The following UFL1 variants were observed in gnomAD, a reference collection of about 807,000 sequenced individuals.
UFL1 encodes UFM1 specific ligase 1, also known as E3 UFM1-protein ligase 1.
UFL1 carries 78 observed loss-of-function variants against 99.3 expected under a neutral mutation model. The observed-to-expected ratio is 0.79, with a 90% CI of 0.65 to 0.95. The LOEUF is 0.95. Among genes scored for constraint, UFL1 ranks in the 40% least tolerant of loss-of-function variants. The pLI, the probability that UFL1 is intolerant of heterozygous loss-of-function variation, is 0.00. For missense variants in UFL1, 936 were observed against 937.0 expected (o/e 1.00, Z 0.01); for synonymous variants, 335 against 322.2 (o/e 1.04, Z -0.42).
chr6:96,548,144 AT>A lies in UFL1; in HGVS notation c.1403-18del, dbSNP rs1357647453. ...TTTTTTATTTATTTATTTATTTGCC[AT>A]TGCTCATGTCCGATATAGGAAAGAA... On this transcript the variant is annotated intron_variant, in intron 12 of 18. Transcript: ENST00000369278. 6.7e-7 allele frequency: 1 copy of A among 1,481,892 alleles called. No individual in the cohort carries two copies. Among genetic ancestry groups the A allele is most frequent in the Admixed American group, 2.0e-5 (1 of 49,020 alleles). 91.8% of individuals were successfully genotyped at this position (1,481,892 alleles called of 1,614,324 possible).
In UFL1 at chr6:96,540,518, A is replaced by AGCAT; in HGVS notation, c.1159-15_1159-12dup. 1 of 1,587,620 alleles carries AGCAT rather than the reference A, an allele frequency of 6.3e-7. No homozygotes were observed. Among genetic ancestry groups the AGCAT allele is most frequent in the Non-Finnish European group, 8.5e-7 (1 of 1,171,096 alleles). On this transcript the variant is annotated splice_polypyrimidine_tract_variant and intron_variant, in intron 10 of 18. Coordinates refer to ENST00000369278, the MANE Select transcript of UFL1 (RefSeq NM_015323.5). Reference sequence around the variant, plus strand: ...GCTATGTGTTTTTCCTACCAAAAAAAGCATGTTTTATTTTAGGAAATGAAA... The same window carrying AGCAT: ...GCTATGTGTTTTTCCTACCAAAAAAAGCATGCATGTTTTATTTTAGGAAATGAAA...
intron 15 of UFL1, among the ~76,000 whole-genome samples, chr6:96,550,741 C>T (rs1353414908): frequency 6.6e-6 from 1 of 151,982 alleles, no homozygotes; most frequent in Non-Finnish European, 1.5e-5. Flanking sequence ...TTATACCAAT[C>T]TCTGCTATGG....
chr6:96,525,575 C>T (rs1582436576), intron 4 of UFL1, among the ~76,000 whole-genome samples, 181 bp downstream of exon 4: 2 of 151,326 alleles, frequency 1.3e-5, no homozygotes, highest in Non-Finnish European at 2.9e-5. Context: ...CATATGGTGG[C>T]ATGTACCTGT....
intron 8 of UFL1, among the ~76,000 whole-genome samples, chr6:96,536,777 A>C (rs998032101): frequency 6.6e-6 from 1 of 151,768 alleles, no homozygotes; most frequent in African/African-American, 2.4e-5. Context: ...TAATTATTAT[A>C]TCTTACATTT....
chr6:96,528,700 A>G, intron 6 of UFL1, 68 bp downstream of exon 6: 1 of 1,481,934 alleles, frequency 6.7e-7, no homozygotes. Flanking sequence ...TTTTCCTAGC[A>G]GCGGAATCTT....
At chr6:96,524,434 T>C (rs1176237598) in intron 3 of UFL1, 24 bp downstream of exon 3, 1 of 1,555,768 alleles carries the variant, frequency 6.4e-7, no homozygotes, top group Non-Finnish European at 8.7e-7. Flanking sequence ...TTATAAAATT[T>C]TTGCTTTACT....
In UFL1 at chr6:96,525,339, G is replaced by A; in HGVS notation, c.295G>A (p.Asp99Asn). The A allele has an allele frequency of 6.2e-7, 1 of 1,609,978 alleles. No homozygotes were observed. Among genetic ancestry groups the A allele is most frequent in the Non-Finnish European group, 8.5e-7 (1 of 1,178,474 alleles). The change falls in exon 4 of 19, where the codon GAC becomes AAC. Residue 99 changes from aspartate to asparagine, a missense_variant. Coordinates refer to ENST00000369278, the MANE Select transcript of UFL1 (RefSeq NM_015323.5). ...GATTCATATTGAAAATAGAATTGGT[G>A]ACATTATTAAATCAGAAAAGCATGT... ...DLIHIENRIG[D>N]IIKSEKHVQL...
chr6:96,524,445 T>G (rs1769671209), intron 3 of UFL1, 35 bp downstream of exon 3: 2 of 1,515,080 alleles, frequency 1.3e-6, no homozygotes, highest in African/African-American at 2.8e-5. Flanking sequence ...TTGCTTTACT[T>G]TCTCAATTTT....
intron 6 of UFL1, among the ~76,000 whole-genome samples, chr6:96,530,963 A>G (rs1287117233): frequency 6.6e-6 from 1 of 152,244 alleles, no homozygotes; most frequent in Non-Finnish European, 1.5e-5. Context: ...GCTGTGCAGC[A>G]GGTGAGGGTG....
At chr6:96,538,859 T>C (rs1366219854) in intron 10 of UFL1, 49 bp downstream of exon 10, 1 of 1,475,458 alleles carries the variant, frequency 6.8e-7, no homozygotes, top group Non-Finnish European at 9.1e-7. Flanking sequence ...ATTTTCAATT[T>C]AGAATCATCT....
chr6:96,531,048 A>C (rs532405974), intron 6 of UFL1, among the ~76,000 whole-genome samples: 4 of 152,192 alleles, frequency 2.6e-5, no homozygotes, highest in Non-Finnish European at 5.9e-5. Flanking sequence ...TAGGAGCGTG[A>C]ACCCTATTGT....
intron 5 of UFL1, among the ~76,000 whole-genome samples, chr6:96,527,697 C>T (rs1175739964): frequency 6.6e-6 from 1 of 151,906 alleles, no homozygotes; most frequent in East Asian, 1.9e-4. Context: ...AGCTCAAATC[C>T]AAATGATTTC....
intron 6 of UFL1, among the ~76,000 whole-genome samples, chr6:96,533,846 C>G (rs750181675): frequency 1.3e-5 from 2 of 150,976 alleles, no homozygotes; most frequent in Non-Finnish European, 1.5e-5. Context: ...CTCAGTCACC[C>G]TAATCTAGCC....
chr6:96,551,943 T>C lies in UFL1; in HGVS notation c.1985+20T>C. 1.3e-6 allele frequency: 2 copies of C among 1,532,096 alleles called. No individual in the cohort carries two copies. Among genetic ancestry groups the C allele is most frequent in the Non-Finnish European group, 1.8e-6 (2 of 1,115,004 alleles). The allele number at this position is 1,532,096 out of a possible 1,614,324, so 94.9% of individuals were successfully genotyped here. On this transcript the variant is annotated intron_variant, in intron 17 of 18. Transcript: ENST00000369278. Reference sequence around the variant, plus strand: ...GGAAAGGTAACATTAAATTAATCTATATTTGGAAATGTTCTTAAATGTGGA... The same window carrying C: ...GGAAAGGTAACATTAAATTAATCTACATTTGGAAATGTTCTTAAATGTGGA...
At chr6:96,529,664 C>A (rs927429645) in intron 6 of UFL1, among the ~76,000 whole-genome samples, 16 of 152,148 alleles carry the variant, frequency 1.1e-4, no homozygotes, top group African/African-American at 3.9e-4. Flanking sequence ...TTTCACTATC[C>A]TTTAAAGTTT....
At chr6:96,521,991 C>A (rs369308301) in intron 1 of UFL1, 41 bp downstream of exon 1, 2 of 1,585,590 alleles carry the variant, frequency 1.3e-6, no homozygotes, top group Non-Finnish European at 1.7e-6. Context: ...CCAAATTAGG[C>A]CGTGGGCGGA....
chr6:96,551,845 A>C lies in UFL1; in HGVS notation c.1907A>C (p.Glu636Ala). The C allele has an allele frequency of 6.2e-7, 1 of 1,602,994 alleles. No homozygotes were observed. The highest frequency in any genetic ancestry group is 8.5e-7 in the Non-Finnish European group (1 of 1,173,646). The part of the protein sequence containing the change: ...LHNSLNEKSI[E>A]DFISCLDSAA... ...TATTCAATGCCTTTTCAGAGCATAGAAGACTTTATTTCTTGTCTGGATTCT... is the reference window on the plus strand; with the variant it reads ...TATTCAATGCCTTTTCAGAGCATAGCAGACTTTATTTCTTGTCTGGATTCT... Residue 636 changes from glutamate (E) to alanine (A), a missense_variant, in exon 17 of 19, where the codon GAA becomes GCA. By Grantham distance (107) the Glu-to-Ala change is moderately radical. Coordinates refer to ENST00000369278, the MANE Select transcript of UFL1 (RefSeq NM_015323.5).
intron 12 of UFL1, among the ~76,000 whole-genome samples, chr6:96,545,743 C>G (rs1284010725): frequency 6.6e-6 from 1 of 150,976 alleles, no homozygotes; most frequent in African/African-American, 2.4e-5. Flanking sequence ...GGGGAAAACT[C>G]TTTATTATTT....
At chr6:96,549,886 A>G in intron 15 of UFL1, 87 bp downstream of exon 15, 1 of 1,510,646 alleles carries the variant, frequency 6.6e-7, no homozygotes, top group South Asian at 1.3e-5. Context: ...AGTAAAGAGG[A>G]AAATAAAATA....
Sources: gnomAD v4.1 joint callset for allele counts (sites outside exome capture counted in the v4.1 genomes callset) on GRCh38, gnomAD v4.1.1 for gene constraint, MANE v1.5 for transcripts, NCBI Gene and HGNC (gene_info 2026-07-23, HGNC 2026-07-21) for gene names.